NAV1: variants seen among roughly 807,000 people sequenced by gnomAD.
NAV1 encodes the protein neuron navigator 1, also known as pore membrane and/or filament interacting like protein 3.
A neutral mutation model predicts 175.2 loss-of-function variants in NAV1; 18 were observed. The ratio of observed to expected loss-of-function variants is 0.10; its 90% confidence interval spans 0.07 to 0.15. The LOEUF is 0.15. NAV1 is among the 10% of genes least tolerant of loss of function. The probability of loss-of-function intolerance (pLI) is 1.00; values close to 1 mark genes in which losing one functional copy is unlikely to be tolerated. For synonymous variants in NAV1, 897 were observed against 978.7 expected (o/e 0.92, Z 1.56); for missense variants, 1,731 against 2,436.6 (o/e 0.71, Z 6.10).
chr1:201,764,175 T>A (rs766060744), intron 3 of NAV1, among the ~76,000 whole-genome samples: 15 of 152,228 alleles, frequency 9.9e-5, no homozygotes, highest in Admixed American at 3.9e-4. Flanking sequence ...CAATATCCAA[T>A]GTAGTTCAAT....
intron 3 of NAV1, among the ~76,000 whole-genome samples, chr1:201,775,144 G>C (rs578191345): frequency 3.3e-5 from 5 of 152,260 alleles, no homozygotes; most frequent in African/African-American, 9.6e-5. Context: ...GCTCCCAAAG[G>C]GGGAGCCCTT....
intron 1 of NAV1, among the ~76,000 whole-genome samples, chr1:201,552,144 T>C (rs1465733815): frequency 2.0e-5 from 3 of 152,122 alleles, no homozygotes; most frequent in Non-Finnish European, 4.4e-5. Flanking sequence ...GACAAAGGCC[T>C]CTGTGTTTGG....
chr1:201,722,338 A>G (rs1440476192), intron 3 of NAV1, among the ~76,000 whole-genome samples: 2 of 152,192 alleles, frequency 1.3e-5, no homozygotes, highest in African/African-American at 4.8e-5. Context: ...TAACCCATAT[A>G]AGTGGAATCA....
chr1:201,647,721 TC>T (rs1267483426), upstream of NAV1, among the ~76,000 whole-genome samples: 1 of 151,980 alleles, frequency 6.6e-6, no homozygotes, highest in Non-Finnish European at 1.5e-5. Flanking sequence ...ACTGGGAGTT[TC>T]CTGGGGGAAA....
chr1:201,623,687 C>T, intron 1 of NAV1, 81 bp downstream of exon 3: 1 of 984,622 alleles, frequency 1.0e-6, no homozygotes, highest in Non-Finnish European at 1.2e-6. Context: ...GACAGGGACC[C>T]TGGTGATCAG....
intron 1 of NAV1, among the ~76,000 whole-genome samples, chr1:201,652,958 C>A: frequency 6.6e-6 from 1 of 152,174 alleles, no homozygotes; most frequent in African/African-American, 2.4e-5. Context: ...TATTCACCTA[C>A]AGTTAAGCAA....
intron 1 of NAV1, among the ~76,000 whole-genome samples, chr1:201,549,284 T>C (rs1665774103): frequency 1.3e-5 from 2 of 151,924 alleles, no homozygotes; most frequent in East Asian, 3.9e-4. Flanking sequence ...CACAGCACAT[T>C]GCAGCCTCAA....
intron 2 of NAV1, among the ~76,000 whole-genome samples, chr1:201,631,480 C>T (rs1668477816): frequency 6.6e-6 from 1 of 152,268 alleles, no homozygotes; most frequent in African/African-American, 2.4e-5. Flanking sequence ...GTGCTGAACA[C>T]TGTGCTTGAC....
chr1:201,571,398 G>A (rs902202146), intron 1 of NAV1, among the ~76,000 whole-genome samples: 5 of 152,218 alleles, frequency 3.3e-5, no homozygotes, highest in East Asian at 1.9e-4. Flanking sequence ...GGCTTAATAC[G>A]CCTTCAGGCC....
At chr1:201,626,671 G>A (rs1668338159) in intron 1 of NAV1, among the ~76,000 whole-genome samples, 1 of 152,158 alleles carries the variant, frequency 6.6e-6, no homozygotes. Context: ...TTTCCCAACT[G>A]CCAGTGCACC....
chr1:201,576,585 T>A (rs924638587), intron 1 of NAV1, among the ~76,000 whole-genome samples: 4 of 149,750 alleles, frequency 2.7e-5, no homozygotes, highest in Non-Finnish European at 3.0e-5. Flanking sequence ...AAAAAAAAAA[T>A]AATAAAGCTA....
rs143852132 is a variant in NAV1 at position 201,541,167 on chromosome 1, C to T, written c.-144+1825C>T. ...AGATATTTGGGTGTTTGTGCACATG[C>T]CTATCTTCCTGTGAGTACCTTCCAG... On this transcript the variant is annotated intron_variant, in intron 1 of 33. Coordinates refer to the NAV1 transcript ENST00000685211. 3.1e-4 allele frequency among the ~76,000 whole-genome samples: 47 copies of T among 152,278 alleles called. No homozygotes were observed. The East Asian group carries it at 9.1e-3, about 29-fold the overall frequency.
Position 201,654,723 on chromosome 1 carries a change from C to T in NAV1, c.757+5298C>T, listed in dbSNP as rs76633026. Among the ~76,000 whole-genome samples the T allele has an allele frequency of 9.9e-3, 1,514 of 152,226 alleles. 99 individuals are homozygous for T. The East Asian group carries it at 0.17, about 17-fold the overall frequency. On this transcript the variant is annotated intron_variant, in intron 1 of 29. Transcript: ENST00000367296. ...TCTCCCTCACCCTTCCCTGAGATTT[C>T]ATAGAATCCTAGAATGGAAATTGTC... is the stretch of plus-strand genomic sequence containing the variant.
At position 201,812,045 on chromosome 1, in the gene NAV1, AGGCAG is replaced by A; in HGVS notation, c.5024+72_5024+76del. The A allele has an allele frequency of 7.0e-7, 1 of 1,419,988 alleles. No homozygotes were observed. Among genetic ancestry groups the A allele is most frequent in the Non-Finnish European group, 1.0e-6 (1 of 1,003,634 alleles). 88.0% of individuals were successfully genotyped at this position (1,419,988 alleles called of 1,614,324 possible). On this transcript the variant is annotated intron_variant, in intron 26 of 29. Coordinates refer to ENST00000367296, the Ensembl canonical transcript of NAV1. This position sits in a 1 kb window ranked among gnomAD's most constrained non-coding sequence, Gnocchi z 4.6. ...TCTTCAATCCTGGACTCTGGCCAGG[AGGCAG>A]TAGATAGGAGAAGGAAAGAGAAGTA... is the stretch of plus-strand genomic sequence containing the variant.
chr1:201,776,724 T>G (rs1489187764), intron 3 of NAV1, among the ~76,000 whole-genome samples: 2 of 151,684 alleles, frequency 1.3e-5, no homozygotes, highest in African/African-American at 4.8e-5. Context: ...AAAAATCTGT[T>G]AACTGAATTA....
intron 1 of NAV1, among the ~76,000 whole-genome samples, chr1:201,676,561 C>T (rs753483247): frequency 6.6e-6 from 1 of 150,922 alleles, no homozygotes; most frequent in Admixed American, 6.6e-5. Context: ...AGAGCTGACT[C>T]GCAGGAAATA....
At chr1:201,612,466 G>T (rs181879368) in intron 2 of NAV1, among the ~76,000 whole-genome samples, 1 of 152,140 alleles carries the variant, frequency 6.6e-6, no homozygotes, top group Non-Finnish European at 1.5e-5. Context: ...AAAAATATAA[G>T]AATTAAAATG....
chr1:201,788,674 C>T lies in NAV1; in HGVS notation c.3166+36C>T, dbSNP rs767835274. On this transcript the variant is annotated intron_variant, in intron 10 of 29. Coordinates refer to ENST00000367296, the Ensembl canonical transcript of NAV1. This position sits in a 1 kb window ranked among gnomAD's most constrained non-coding sequence, Gnocchi z 5.7. ...ATGCTAGCGCGGTTCACGCTCATTC[C>T]AGCTCTGCTGGGTCCCCTCACCCAC... is the stretch of plus-strand genomic sequence containing the variant. 1 of 1,569,628 alleles carries T rather than the reference C, an allele frequency of 6.4e-7. No individual in the cohort carries two copies. Among genetic ancestry groups the T allele is most frequent in the African/African-American group, 1.3e-5 (1 of 74,448 alleles).
chr1:201,665,226 A>G (rs115331085), intron 1 of NAV1, among the ~76,000 whole-genome samples: 3,138 of 144,800 alleles, frequency 0.022, 110 homozygotes, highest in African/African-American at 0.069. Flanking sequence ...GAAATCCTCC[A>G]GTTGGGCTCC....
Sources: gnomAD v4.1 joint callset for allele counts (sites outside exome capture counted in the v4.1 genomes callset) on GRCh38, gnomAD v4.1.1 for gene constraint, Gnocchi (gnomAD v3.1) non-coding constraint, MANE v1.5 for transcripts, NCBI Gene and HGNC (gene_info 2026-07-23, HGNC 2026-07-21) for gene names.